The following SHLD1 variants were observed in gnomAD, a reference collection of about 807,000 sequenced individuals.
SHLD1 encodes the protein shieldin complex subunit 1.
SHLD1 carries 3 observed loss-of-function variants against 5.5 expected under a neutral mutation model. The observed-to-expected ratio is 0.54, with a 90% confidence interval of 0.25 to 1.40. The LOEUF is 1.40. Ranked by LOEUF, SHLD1 falls within the 40% of genes most tolerant of loss-of-function variation. The probability of loss-of-function intolerance (pLI) is 0.15; values close to 1 mark genes in which losing one functional copy is unlikely to be tolerated. For missense variants in SHLD1, 210 were observed against 244.4 expected (o/e 0.86, Z 0.94); for synonymous variants, 92 against 94.3 (o/e 0.98, Z 0.14).
At chr20:5,849,789 C>A (rs2122489505) in intron 2 of SHLD1, among the ~76,000 whole-genome samples, 1 of 150,392 alleles carries the variant, frequency 6.6e-6, no homozygotes, top group South Asian at 2.1e-4. Flanking sequence ...GAAACCCCGT[C>A]TCTACTAAAA....
chr20:5,836,175 T>C (rs1354814390), intron 2 of SHLD1, among the ~76,000 whole-genome samples: 2 of 152,148 alleles, frequency 1.3e-5, no homozygotes, highest in Non-Finnish European at 2.9e-5. Flanking sequence ...TGTACAGATT[T>C]ATATCTTATT....
chr20:5,822,177 G>A (rs2087613445), intron 2 of SHLD1, among the ~76,000 whole-genome samples: 3 of 152,212 alleles, frequency 2.0e-5, no homozygotes, highest in Admixed American at 2.0e-4. Flanking sequence ...AGTGCTCAAA[G>A]CCAGGCATGG....
At chr20:5,758,591 G>C (rs1350694530) in intron 1 of SHLD1, among the ~76,000 whole-genome samples, 2 of 151,772 alleles carry the variant, frequency 1.3e-5, no homozygotes. Flanking sequence ...GCTAATTTTT[G>C]TATTTTTAGT....
chr20:5,755,177 A>G (rs1432544791), intron 1 of SHLD1, among the ~76,000 whole-genome samples: 1 of 152,176 alleles, frequency 6.6e-6, no homozygotes, highest in Admixed American at 6.5e-5. Flanking sequence ...GGTACTAAAT[A>G]TCTCTTACAA....
intron 2 of SHLD1, among the ~76,000 whole-genome samples, chr20:5,842,730 T>C (rs563843575): frequency 6.6e-6 from 1 of 152,354 alleles, no homozygotes; most frequent in Non-Finnish European, 1.5e-5. Flanking sequence ...TCAACTCTGA[T>C]TTCTATTTTC....
rs190750804 is a variant in SHLD1 at position 5,785,395 on chromosome 20, C to G, written c.178+12352C>G. On this transcript the variant is annotated intron_variant, in intron 2 of 2. Transcript: ENST00000303142. ...AGGCTCGTTTCATATTAATGTTACC[C>G]ACAGACTGGTGGAAATCTGAGACTC... Among the ~76,000 whole-genome samples the G allele has an allele frequency of 2.5e-3, 379 of 152,278 alleles. 3 individuals are homozygous for G. The highest frequency in any genetic ancestry group is 8.4e-3 in the African/African-American group (347 of 41,552).
intron 2 of SHLD1, among the ~76,000 whole-genome samples, chr20:5,809,337 CTTAGAA>C (rs916748764): frequency 7.9e-5 from 12 of 152,140 alleles, no homozygotes; most frequent in Middle Eastern, 3.4e-3. Context: ...TAAATAGACT[CTTAGAA>C]TTAGATGTAT....
At chr20:5,844,846 G>T (rs1263826953) in intron 2 of SHLD1, among the ~76,000 whole-genome samples, 1 of 145,616 alleles carries the variant, frequency 6.9e-6, no homozygotes, top group Non-Finnish European at 1.5e-5. Flanking sequence ...CTAGGCTGGA[G>T]TGTAGTAGTG....
At chr20:5,799,338 T>A (rs778807151) in intron 2 of SHLD1, among the ~76,000 whole-genome samples, 4 of 151,964 alleles carry the variant, frequency 2.6e-5, no homozygotes, top group Non-Finnish European at 5.9e-5. Flanking sequence ...TCTCACTTTG[T>A]CCCTGAGGCT....
chr20:5,775,922 G>GGTTTTTTTTTTTTTTT (rs1391999872), intron 2 of SHLD1, among the ~76,000 whole-genome samples: 8 of 63,446 alleles, frequency 1.3e-4, no homozygotes, highest in South Asian at 4.3e-4. Flanking sequence ...GTCAGCTCAG[G>GGTTTTTTTTTTTTTTT]ATTTTTTTTT....
Position 5,841,306 on chromosome 20 carries a change from T to C in SHLD1, c.179-21718T>C, listed in dbSNP as rs375184932. 2.0e-5 allele frequency among the ~76,000 whole-genome samples: 3 copies of C among 152,338 alleles called. No homozygotes were observed. In the South Asian group the frequency reaches 6.2e-4, roughly 32 times the overall value. ...TTACAGTTTGGTGAATTTTTATATA[T>C]GTGGGTGTATACCCACATAACCACT... On this transcript the variant is annotated intron_variant, in intron 2 of 2. Coordinates refer to ENST00000303142, the MANE Select transcript of SHLD1 (RefSeq NM_152504.4).
At chr20:5,786,045 AG>A (rs2087055599) in intron 2 of SHLD1, among the ~76,000 whole-genome samples, 2 of 152,104 alleles carry the variant, frequency 1.3e-5, no homozygotes, top group Non-Finnish European at 2.9e-5. Flanking sequence ...GGGCTCAGAA[AG>A]CAGTACCCCA....
At chr20:5,775,540 G>A (rs78959912) in intron 2 of SHLD1, among the ~76,000 whole-genome samples, 4,017 of 152,258 alleles carry the variant, frequency 0.026, 76 homozygotes, top group Non-Finnish European at 0.04. Flanking sequence ...TTATGTAGGG[G>A]TATTTGTTAA....
At chr20:5,765,010 T>C (rs1170019443) in intron 1 of SHLD1, 3 of 151,842 alleles carry the variant, frequency 2.0e-5, no homozygotes, top group African/African-American at 7.3e-5. Context: ...CTTAGAGACT[T>C]CTTGTGCCTG....
At chr20:5,784,520 G>A (rs181074322) in intron 2 of SHLD1, among the ~76,000 whole-genome samples, 2,031 of 151,690 alleles carry the variant, frequency 0.013, 51 homozygotes, top group African/African-American at 0.046. Flanking sequence ...GCGCGATCTC[G>A]GCTCACTGCA....
intron 2 of SHLD1, among the ~76,000 whole-genome samples, chr20:5,778,941 G>A (rs769816137): frequency 1.3e-5 from 2 of 152,088 alleles, no homozygotes; most frequent in Non-Finnish European, 2.9e-5. Flanking sequence ...AGTGGCTCAT[G>A]CCTGTAATCC....
intron 2 of SHLD1, among the ~76,000 whole-genome samples, chr20:5,809,761 A>G (rs73073214): frequency 0.016 from 2,435 of 152,168 alleles, 37 homozygotes; most frequent in African/African-American, 0.029. Flanking sequence ...GATGCTACTG[A>G]CATATAGTCG....
intron 2 of SHLD1, among the ~76,000 whole-genome samples, chr20:5,784,125 C>G (rs2087024134): frequency 6.7e-6 from 1 of 149,884 alleles, no homozygotes. Context: ...GCACTCCAGC[C>G]TGGGCGACAA....
intron 1 of SHLD1, among the ~76,000 whole-genome samples, chr20:5,752,482 T>A (rs1305720847): frequency 6.6e-6 from 1 of 152,066 alleles, no homozygotes; most frequent in Non-Finnish European, 1.5e-5. Flanking sequence ...TTCCTGGATC[T>A]GGGAAAGGCC....
Sources: allele counts gnomAD v4.1 joint callset (sites outside exome capture counted in the v4.1 genomes callset), GRCh38; gene constraint gnomAD v4.1.1; transcripts MANE v1.5; gene names NCBI Gene and HGNC (gene_info 2026-07-23, HGNC 2026-07-21).